Variants in RRP1B observed in about 807,000 individuals in gnomAD.
RRP1B encodes ribosomal RNA processing protein 1 homolog B.
RRP1B carries 56 observed loss-of-function variants against 80.2 expected under a neutral mutation model. The observed-to-expected ratio is 0.70, with a 90% confidence interval of 0.56 to 0.87. RRP1B has a LOEUF of 0.87. RRP1B is among the 40% of genes least tolerant of loss of function. The pLI, the probability that RRP1B is intolerant of heterozygous loss-of-function variation, is 0.00. For missense variants in RRP1B, 807 were observed against 939.8 expected, an observed-to-expected ratio of 0.86 and a Z score of 1.85; for synonymous variants, 351 against 357.6, an observed-to-expected ratio of 0.98 and a Z score of 0.21.
chr21:43,684,863 A>G (rs917786205), intron 10 of RRP1B, among the ~76,000 whole-genome samples: 2 of 152,232 alleles, frequency 1.3e-5, no homozygotes, highest in Non-Finnish European at 2.9e-5. Flanking sequence ...CAGTGCAGCC[A>G]TACTCATCTC....
intron 8 of RRP1B, among the ~76,000 whole-genome samples, chr21:43,679,261 T>G (rs1192484394): frequency 2.0e-5 from 3 of 150,568 alleles, no homozygotes; most frequent in African/African-American, 4.9e-5. Flanking sequence ...GTGTTTTGGG[T>G]TTTTTTTGGC....
intron 1 of RRP1B, among the ~76,000 whole-genome samples, chr21:43,661,558 C>T (rs1277742925): frequency 6.6e-6 from 1 of 152,176 alleles, no homozygotes; most frequent in East Asian, 1.9e-4. Context: ...AAATTCTTGA[C>T]CGTGGGCTCT....
intron 3 of RRP1B, among the ~76,000 whole-genome samples, 177 bp from the exon 4 acceptor site, chr21:43,673,693 A>T (rs983209162): frequency 7.2e-5 from 11 of 152,144 alleles, no homozygotes; most frequent in Non-Finnish European, 1.6e-4. Context: ...TTTAATAAAT[A>T]AGTGTAAAAG....
intron 13 of RRP1B, among the ~76,000 whole-genome samples, chr21:43,689,092 C>T (rs2083076017): frequency 6.6e-6 from 1 of 152,250 alleles, no homozygotes; most frequent in Non-Finnish European, 1.5e-5. Flanking sequence ...GCTTTTCACA[C>T]CACCTCTGGG....
rs2083097149 is a variant in RRP1B, at chr21:43,693,954, T to C, written c.*571T>C. 1 of 152,358 alleles carries C rather than the reference T, an allele frequency of 6.6e-6. No individual in the cohort carries two copies. Among genetic ancestry groups the C allele is most frequent in the South Asian group, 2.1e-4 (1 of 4,842 alleles). 9.4% of individuals were successfully genotyped at this position (152,358 alleles called of 1,614,324 possible). On this transcript the variant is annotated 3_prime_UTR_variant, in exon 16 of 16. Transcript: ENST00000340648. The surrounding 1 kb of genome is among the most constrained non-coding windows in gnomAD (Gnocchi z 4.1). Reference sequence around the variant, plus strand: ...CATAGTTTTTCTACATGTGCTCAGCTGGGGGTGTGGACAGGTAGGGGTGGG... The same window carrying C: ...CATAGTTTTTCTACATGTGCTCAGCCGGGGGTGTGGACAGGTAGGGGTGGG...
At chr21:43,662,778 T>C (rs1241843971) in intron 1 of RRP1B, among the ~76,000 whole-genome samples, 1 of 152,174 alleles carries the variant, frequency 6.6e-6, no homozygotes, top group Non-Finnish European at 1.5e-5. Flanking sequence ...TTAGCAAACA[T>C]TTATGGAGTG....
intron 1 of RRP1B, among the ~76,000 whole-genome samples, chr21:43,668,006 C>T (rs951586521): frequency 1.2e-4 from 18 of 152,042 alleles, no homozygotes; most frequent in African/African-American, 4.3e-4. Flanking sequence ...TCAGGAGTTC[C>T]GGACCAGCCT....
chr21:43,662,930 T>C (rs1335220732), intron 1 of RRP1B, among the ~76,000 whole-genome samples: 1 of 152,222 alleles, frequency 6.6e-6, no homozygotes, highest in African/African-American at 2.4e-5. Flanking sequence ...ATCAACCCAG[T>C]GACAATTTCA....
rs978735106 is a variant in RRP1B at position 43,691,742 on chromosome 21, C to T, written c.2083+240C>T. On this transcript the variant is annotated intron_variant, in intron 15 of 15. Transcript: ENST00000340648. This position sits in a 1 kb window ranked among gnomAD's most constrained non-coding sequence, Gnocchi z 4.2. ...CAACCTCCGCCCCCCCAGGTTCAAG[C>T]GATTCTCCTGCCTCAGGCTGCCGGG... Among the ~76,000 whole-genome samples, 1 of 151,706 alleles carries T rather than the reference C, an allele frequency of 6.6e-6. No individual in the cohort carries two copies. The highest frequency in any genetic ancestry group is 1.5e-5 in the Non-Finnish European group (1 of 67,962).
chr21:43,691,287 C>T lies in RRP1B; in HGVS notation c.2020-152C>T, dbSNP rs1171601330. The T allele has an allele frequency of 7.8e-6, 5 of 637,906 alleles. No homozygotes were observed. Among genetic ancestry groups the T allele is most frequent in the Middle Eastern group, 2.9e-4 (1 of 3,436 alleles). The allele number at this position is 637,906 out of a possible 1,614,324, so 39.5% of individuals were successfully genotyped here. A position where few individuals can be genotyped will look rare whatever the true frequency, so the allele number is the denominator to read the frequency against. The stretch of plus-strand genomic sequence containing the variant: ...CAGGAGGGTCGGTTTCAGTCTTGGC[C>T]GCAGTCCCTTTGGCCTCTCCCTATA... On this transcript the variant is annotated intron_variant, in intron 14 of 15. Coordinates refer to ENST00000340648, the MANE Select transcript of RRP1B (RefSeq NM_015056.3). The surrounding 1 kb of genome is among the most constrained non-coding windows in gnomAD (Gnocchi z 4.2).
intron 13 of RRP1B, among the ~76,000 whole-genome samples, chr21:43,689,944 C>T (rs529681241): frequency 4.6e-5 from 7 of 152,398 alleles, no homozygotes; most frequent in African/African-American, 2.4e-5. Context: ...AGACTGCCAG[C>T]GCAGTGACGA....
Position 43,685,747 on chromosome 21 carries a change from ATTTTTTAT to A in RRP1B, c.990-10_990-3del. ...AACATTTGTTATTTTTTTATTTTTTATTTTTTATTTTTTTATTTTTAGATTCCAAGACC... is the reference window on the plus strand; with the variant it reads ...AACATTTGTTATTTTTTTATTTTTTATTTTTTATTTTTAGATTCCAAGACC... On this transcript the variant is annotated splice_polypyrimidine_tract_variant and intron_variant, in intron 10 of 15. Transcript: ENST00000340648. 6.9e-7 allele frequency: 1 copy of A among 1,454,368 alleles called. No homozygotes were observed. Among genetic ancestry groups the A allele is most frequent in the Non-Finnish European group, 9.2e-7 (1 of 1,090,198 alleles). 90.1% of individuals were successfully genotyped at this position (1,454,368 alleles called of 1,614,324 possible).
intron 10 of RRP1B, 133 bp from the exon 11 acceptor site, chr21:43,685,637 C>T (rs1251556702): frequency 6.6e-6 from 4 of 605,908 alleles, no homozygotes; most frequent in South Asian, 3.8e-5. Flanking sequence ...TGGAGGAGAA[C>T]GTGAATTAAC....
In RRP1B at chr21:43,691,730, C is replaced by G. The variant is rs921958962; in HGVS notation, c.2083+228C>G. 7.9e-5 allele frequency among the ~76,000 whole-genome samples: 12 copies of G among 152,034 alleles called. No individual in the cohort carries two copies. Among genetic ancestry groups the G allele is most frequent in the South Asian group, 2.1e-4 (1 of 4,824 alleles). The stretch of plus-strand genomic sequence containing the variant: ...CTTGGCTCACTGCAACCTCCGCCCC[C>G]CCAGGTTCAAGCGATTCTCCTGCCT... On this transcript the variant is annotated intron_variant, in intron 15 of 15. Transcript: ENST00000340648. The surrounding 1 kb of genome is among the most constrained non-coding windows in gnomAD (Gnocchi z 4.2).
At chr21:43,666,076 G>A (rs1401034806) in intron 1 of RRP1B, among the ~76,000 whole-genome samples, 3 of 152,216 alleles carry the variant, frequency 2.0e-5, no homozygotes, top group South Asian at 4.1e-4. Context: ...CAAGCAGGGT[G>A]TGGAGGGACT....
intron 8 of RRP1B, among the ~76,000 whole-genome samples, chr21:43,682,119 A>G (rs1048293150): frequency 5.3e-5 from 8 of 152,184 alleles, no homozygotes; most frequent in African/African-American, 1.9e-4. Flanking sequence ...AAACGAAAAA[A>G]AGAAATAGTC....
At chr21:43,673,791 T>A in intron 3 of RRP1B, 79 bp from the exon 4 acceptor site, 1 of 842,050 alleles carries the variant, frequency 1.2e-6, no homozygotes, top group Admixed American at 2.1e-5. Flanking sequence ...TGCTAGTTTG[T>A]TCCTCTTCAT....
In RRP1B at chr21:43,690,361, C is replaced by A. The variant is rs2083081735; in HGVS notation, c.1940C>A (p.Thr647Asn). The A allele has an allele frequency of 6.2e-7, 1 of 1,614,220 alleles. No individual in the cohort carries two copies. ...GAGAGCGACTTTGTGAAGTTTGACACCCCCTTCTTACCAAAGCCCCTGTTC... is the reference window on the plus strand; with the variant it reads ...GAGAGCGACTTTGTGAAGTTTGACAACCCCTTCTTACCAAAGCCCCTGTTC... ...RAESDFVKFDTPFLPKPLFFR... is the reference protein window; with the variant it reads ...RAESDFVKFDNPFLPKPLFFR... Residue 647 changes from threonine to asparagine, a missense_variant, in exon 14 of 16, where the codon ACC becomes AAC. Transcript: ENST00000340648.
rs370691316 is a variant in RRP1B at position 43,662,784 on chromosome 21, G to T, written c.130+2990G>T. ...TTCATATATTTAGCAAACATTTATG[G>T]AGTGCCAACTGTGTACTATTATGTA... is the stretch of plus-strand genomic sequence containing the variant. On this transcript the variant is annotated intron_variant, in intron 1 of 15. Transcript: ENST00000340648. 2.0e-4 allele frequency among the ~76,000 whole-genome samples: 31 copies of T among 152,270 alleles called. No homozygotes were observed. In the East Asian group the frequency reaches 3.7e-3, roughly 18 times the overall value.
Sources: allele counts gnomAD v4.1 joint callset (sites outside exome capture counted in the v4.1 genomes callset), GRCh38; gene constraint gnomAD v4.1.1; non-coding constraint Gnocchi (gnomAD v3.1); transcripts MANE v1.5; gene names NCBI Gene and HGNC (gene_info 2026-07-23, HGNC 2026-07-21).